The following ERG variants were observed in gnomAD, a reference collection of about 807,000 sequenced individuals.
The protein encoded by ERG is ETS transcription factor ERG.
A neutral mutation model predicts 55.3 loss-of-function variants in ERG; 9 were observed. That is an observed-to-expected ratio of 0.16 (90% CI 0.10 to 0.28). ERG has a LOEUF of 0.28. ERG is among the 10% of genes least tolerant of loss of function. ERG has a pLI of 1.00. For synonymous variants in ERG, 223 were observed against 237.3 expected (o/e 0.94, Z 0.55); for missense variants, 434 against 631.6 (o/e 0.69, Z 3.35).
chr21:38,369,607 G>A, the ERG span, among the ~76,000 whole-genome samples: 1 of 152,134 alleles, frequency 6.6e-6, no homozygotes, highest in Non-Finnish European at 1.5e-5. Flanking sequence ...TTATTTTGCT[G>A]TGCAGAAGCT....
chr21:38,437,154 G>C (rs1601400724), intron 2 of ERG, among the ~76,000 whole-genome samples: 1 of 152,144 alleles, frequency 6.6e-6, no homozygotes, highest in Non-Finnish European at 1.5e-5. Context: ...CTCCCAAAGT[G>C]CTGGGATTAC....
At chr21:38,400,360 G>C (rs968767018) in intron 6 of ERG, 2 of 668,226 alleles carry the variant, frequency 3.0e-6, no homozygotes, top group Admixed American at 2.0e-5. Context: ...CTAGTTAAAG[G>C]GCTAATCTGC....
chr21:38,423,939 G>A (rs1452999777), intron 2 of ERG, among the ~76,000 whole-genome samples: 1 of 152,068 alleles, frequency 6.6e-6, no homozygotes, highest in Admixed American at 6.5e-5. Context: ...TCATGCCACT[G>A]CACTCCAGAC....
chr21:38,466,740 G>A (rs1457211851), intron 1 of ERG, among the ~76,000 whole-genome samples: 1 of 152,160 alleles, frequency 6.6e-6, no homozygotes, highest in Non-Finnish European at 1.5e-5. Flanking sequence ...AATTGATTCA[G>A]TTGGTTGGAA....
At chr21:38,520,938 G>A (rs2059589807) in intron 2 of ERG, among the ~76,000 whole-genome samples, 1 of 152,154 alleles carries the variant, frequency 6.6e-6, no homozygotes, top group South Asian at 2.1e-4. Flanking sequence ...GTTGGGAGCT[G>A]GATATATCAG....
rs2146556993 is a variant in ERG at position 38,445,573 on chromosome 21, A to G, written c.67T>C (p.Tyr23His). Residue 23 changes from tyrosine (Y) to histidine (H), a missense_variant, in exon 2 of 10, where the codon TAC becomes CAC. Transcript: ENST00000288319. The stretch of plus-strand genomic sequence containing the variant: ...GTCTTAGCCAGGTGTGGCGTTCCGT[A>G]GGCACACTCAAACAACGACTGGTCC... ...SEDQSLFECA[Y>H]GTPHLAKTEM... 6.2e-7 allele frequency: 1 copy of G among 1,614,098 alleles called. No homozygotes were observed. The highest frequency in any genetic ancestry group is 8.5e-7 in the Non-Finnish European group (1 of 1,180,010).
chr21:38,609,632 A>G (rs2060214633), intron 1 of ERG, among the ~76,000 whole-genome samples: 1 of 152,272 alleles, frequency 6.6e-6, no homozygotes, highest in South Asian at 2.1e-4. Flanking sequence ...GGATATGTAT[A>G]GAATAACACC....
chr21:38,616,970 T>C (rs1041833), intron 1 of ERG, among the ~76,000 whole-genome samples: 5,216 of 152,260 alleles, frequency 0.034, 294 homozygotes, highest in African/African-American at 0.12. Context: ...TTACCTACAA[T>C]TAATCTATGC....
chr21:38,400,474 G>A (rs758800913), intron 6 of ERG, 100 bp downstream of exon 6: 79 of 942,344 alleles, frequency 8.4e-5, no homozygotes, highest in South Asian at 1.7e-4. Context: ...CTTCAGCTCC[G>A]GGATCAGCTC....
chr21:38,421,527 C>T (rs1242099395), intron 3 of ERG, among the ~76,000 whole-genome samples: 1 of 152,198 alleles, frequency 6.6e-6, no homozygotes, highest in African/African-American at 2.4e-5. Context: ...TGATCCAACT[C>T]AGGTAAAGGG....
intron 2 of ERG, among the ~76,000 whole-genome samples, chr21:38,536,913 G>A (rs553989319): frequency 2.6e-5 from 4 of 152,244 alleles, no homozygotes; most frequent in Non-Finnish European, 5.9e-5. Context: ...TGAGAGGAAA[G>A]TAAAATTCAA....
At chr21:38,388,121 A>C (rs1987789463) in intron 9 of ERG, among the ~76,000 whole-genome samples, 1 of 152,232 alleles carries the variant, frequency 6.6e-6, no homozygotes, top group Admixed American at 6.5e-5. Flanking sequence ...GTTCTGCAAG[A>C]GGCAGGATGT....
chr21:38,421,892 G>T (rs532251443), intron 3 of ERG, among the ~76,000 whole-genome samples: 4 of 151,850 alleles, frequency 2.6e-5, no homozygotes, highest in Non-Finnish European at 4.4e-5. Context: ...TGCTCTTGTC[G>T]CCCAGGCTGG....
intron 2 of ERG, among the ~76,000 whole-genome samples, chr21:38,441,654 C>T (rs912668238): frequency 6.6e-6 from 1 of 152,198 alleles, no homozygotes; most frequent in African/African-American, 2.4e-5. Context: ...TTCTCTTCTA[C>T]AAAGGGGATT....
At chr21:38,643,362 A>C (rs1242863018) in intron 1 of ERG, among the ~76,000 whole-genome samples, 2 of 152,176 alleles carry the variant, frequency 1.3e-5, no homozygotes, top group Admixed American at 6.5e-5. Flanking sequence ...CTATCTGGAC[A>C]CAGCCAGTGA....
rs990125135 is a variant in ERG, at chr21:38,425,278, G to A, written c.237-1717C>T. Among the ~76,000 whole-genome samples, 9 of 152,002 alleles carry A rather than the reference G, an allele frequency of 5.9e-5. No individual in the cohort carries two copies. In the East Asian group the frequency reaches 7.7e-4, roughly 13 times the overall value. ...TGCATGCCTTTAATCTCAGCTACTC[G>A]GGAGGCTGAGGCAGGAGAATCCCTT... On this transcript the variant is annotated intron_variant, in intron 2 of 9. Coordinates refer to ENST00000288319, the MANE Select transcript of ERG (RefSeq NM_182918.4).
intron 1 of ERG, among the ~76,000 whole-genome samples, chr21:38,650,828 C>T (rs1972112455): frequency 6.6e-6 from 1 of 152,294 alleles, no homozygotes. Context: ...GTGTTATGTG[C>T]AACCTGTCAT....
intron 2 of ERG, among the ~76,000 whole-genome samples, chr21:38,516,599 G>C (rs1015070824): frequency 7.9e-5 from 12 of 151,408 alleles, no homozygotes; most frequent in African/African-American, 2.7e-4. Context: ...TTTTTCACAA[G>C]AATAGAAAAA....
intron 2 of ERG, among the ~76,000 whole-genome samples, chr21:38,537,351 GC>G (rs1181535091): frequency 1.3e-5 from 2 of 151,752 alleles, no homozygotes; most frequent in African/African-American, 4.8e-5. Context: ...AGTCAAACAA[GC>G]TATCAACAAA....
Sources: gnomAD v4.1 joint callset for allele counts (sites outside exome capture counted in the v4.1 genomes callset) on GRCh38, gnomAD v4.1.1 for gene constraint, MANE v1.5 for transcripts, NCBI Gene and HGNC (gene_info 2026-07-23, HGNC 2026-07-21) for gene names.